C1QTNF6: variants seen among roughly 807,000 people sequenced by gnomAD.
The protein encoded by C1QTNF6 is complement C1q tumor necrosis factor-related protein 6.
In C1QTNF6, 17 loss-of-function variants were observed where a neutral mutation model predicts 20.7. That is an observed-to-expected ratio of 0.82 (90% confidence interval 0.56 to 1.23). The LOEUF (loss-of-function observed/expected upper bound fraction) is 1.23, where lower values mean the gene tolerates loss of function less well. C1QTNF6 is among the 50% of genes most tolerant of loss of function. The pLI is 0.00. For missense variants in C1QTNF6, 329 were observed against 389.7 expected, an observed-to-expected ratio of 0.84 and a Z score of 1.31; for synonymous variants, 130 against 156.3, an observed-to-expected ratio of 0.83 and a Z score of 1.25.
upstream of C1QTNF6, among the ~76,000 whole-genome samples, chr22:37,188,642 A>G (rs1333314407): frequency 6.6e-6 from 1 of 152,246 alleles, no homozygotes; most frequent in East Asian, 1.9e-4. Context: ...CAGGGTGGGT[A>G]GCAGAGAAGG....
chr22:37,185,883 C>T, intron 1 of C1QTNF6: 1 of 987,686 alleles, frequency 1.0e-6, no homozygotes, highest in Non-Finnish European at 1.2e-6. Flanking sequence ...CCCTCTGGCA[C>T]TTTCTTGCCA....
chr22:37,188,293 G>C, upstream of C1QTNF6: 1 of 1,364,620 alleles, frequency 7.3e-7, no homozygotes, highest in Non-Finnish European at 1.0e-6. Context: ...AGGAGGGAGA[G>C]AGGAGGGGAT....
chr22:37,198,957 A>G (rs578111464), upstream of C1QTNF6, among the ~76,000 whole-genome samples: 9 of 152,288 alleles, frequency 5.9e-5, no homozygotes, highest in South Asian at 2.1e-4. Flanking sequence ...TCGGATCCCA[A>G]AGGTGTTCAG....
At position 37,184,408 on chromosome 22, in the gene C1QTNF6, GC is replaced by G; in HGVS notation, c.289+809del. ...CTGGTCACAGCCGTCAGCCACCACAGCCTGGAAGGGAAGCGAGTCCTTCCAC... is the reference window on the plus strand; with the variant it reads ...CTGGTCACAGCCGTCAGCCACCACAGCTGGAAGGGAAGCGAGTCCTTCCAC... On this transcript the variant is annotated intron_variant, in intron 2 of 2. Coordinates refer to ENST00000337843, the MANE Select transcript of C1QTNF6 (RefSeq NM_031910.4). The surrounding 1 kb of genome is among the most constrained non-coding windows in gnomAD (Gnocchi z 4.0). The G allele has an allele frequency of 1.4e-6, 1 of 717,288 alleles. No homozygotes were observed. The highest frequency in any genetic ancestry group is 2.6e-6 in the Non-Finnish European group (1 of 385,022). 44.4% of individuals were successfully genotyped at this position (717,288 alleles called of 1,614,324 possible).
chr22:37,188,062 A>G lies in C1QTNF6; in HGVS notation c.51+101T>C, dbSNP rs1191394929. On this transcript the variant is annotated intron_variant, in intron 1 of 2. Transcript: ENST00000337843. ...TGGAGAGGCTGTCCCAGTCAGAGGGAGAGAGCAGGGCCCGAGATGCTTCCA... is the reference window on the plus strand; with the variant it reads ...TGGAGAGGCTGTCCCAGTCAGAGGGGGAGAGCAGGGCCCGAGATGCTTCCA... 2.4e-6 allele frequency: 3 copies of G among 1,259,042 alleles called. No homozygotes were observed. The East Asian group carries it at 7.7e-5, about 32-fold the overall frequency. The allele number at this position is 1,259,042 out of a possible 1,614,324, so 78.0% of individuals were successfully genotyped here.
In C1QTNF6 at chr22:37,184,662, C is replaced by T. The variant is rs1294238015; in HGVS notation, c.289+556G>A. ...ATTTGAAACCTGGGTGGGATCAAGT[C>T]CCTGTCCCACCCAAACCTGCCCCTG... On this transcript the variant is annotated intron_variant, in intron 2 of 2. Transcript: ENST00000337843. The surrounding 1 kb of genome is among the most constrained non-coding windows in gnomAD (Gnocchi z 4.0). 6.6e-6 allele frequency among the ~76,000 whole-genome samples: 1 copy of T among 152,142 alleles called. No homozygotes were observed. The highest frequency in any genetic ancestry group is 1.5e-5 in the Non-Finnish European group (1 of 68,022).
At chr22:37,198,688 C>T (rs371354298), upstream of C1QTNF6, among the ~76,000 whole-genome samples, 2 of 151,862 alleles carry the variant, frequency 1.3e-5, no homozygotes, top group Non-Finnish European at 2.9e-5. Context: ...CCCCGCTCCC[C>T]GGTCCCCGGC....
chr22:37,185,625 G>A, intron 1 of C1QTNF6, 170 bp from the exon 2 acceptor site: 1 of 1,336,782 alleles, frequency 7.5e-7, no homozygotes, highest in Non-Finnish European at 9.6e-7. Flanking sequence ...CCTCCACAGA[G>A]CAGCAAGTTC....
intron 1 of C1QTNF6, among the ~76,000 whole-genome samples, chr22:37,187,372 T>C (rs559368319): frequency 1.4e-4 from 22 of 152,278 alleles, no homozygotes; most frequent in African/African-American, 4.3e-4. Context: ...GCCACAGATA[T>C]GACCTCATGA....
chr22:37,188,443 G>C (rs1315497212), upstream of C1QTNF6: 2 of 448,690 alleles, frequency 4.5e-6, no homozygotes, highest in African/African-American at 4.1e-5. Flanking sequence ...TTAACTCTTT[G>C]GTGATCCAGT....
At chr22:37,197,836 G>C (rs957940839), upstream of C1QTNF6, 2 of 152,330 alleles carry the variant, frequency 1.3e-5, no homozygotes, top group African/African-American at 2.4e-5. Flanking sequence ...CAGCTGGTCA[G>C]GTGGCCTGAA....
At chr22:37,188,563 C>T (rs928994517), upstream of C1QTNF6, 9 of 213,278 alleles carry the variant, frequency 4.2e-5, no homozygotes, top group African/African-American at 2.1e-4. Context: ...CCCTAGGTTG[C>T]TCAGGAAGGG....
upstream of C1QTNF6, chr22:37,188,255 T>G: frequency 6.8e-7 from 1 of 1,480,120 alleles, no homozygotes; most frequent in Non-Finnish European, 9.1e-7. Context: ...ACTAACTTGT[T>G]GCTGGCCCAG....
intron 1 of C1QTNF6, among the ~76,000 whole-genome samples, chr22:37,186,868 T>G (rs1392334815): frequency 3.9e-5 from 6 of 152,184 alleles, no homozygotes; most frequent in African/African-American, 1.4e-4. Context: ...CAATTATTAC[T>G]TTTTAAAATG....
intron 1 of C1QTNF6, chr22:37,197,062 G>A (rs1925179420): frequency 6.6e-6 from 1 of 152,298 alleles, no homozygotes; most frequent in Non-Finnish European, 1.5e-5. Context: ...TCCAAGCTGG[G>A]ATGACAGCCA....
upstream of C1QTNF6, chr22:37,190,692 A>G (rs1321629387): frequency 1.4e-5 from 2 of 144,138 alleles, no homozygotes; most frequent in Non-Finnish European, 3.1e-5. Context: ...TACAAAAAAA[A>G]AAAAAGAAGA....
chr22:37,185,823 CA>C, intron 1 of C1QTNF6: 1 of 1,000,800 alleles, frequency 1.0e-6, no homozygotes, highest in Non-Finnish European at 1.2e-6. Flanking sequence ...CCCAGCTGGC[CA>C]TGGGTGGCAA....
At chr22:37,193,188 G>C (rs1012948551), upstream of C1QTNF6, among the ~76,000 whole-genome samples, 8 of 152,184 alleles carry the variant, frequency 5.3e-5, no homozygotes, top group African/African-American at 1.4e-4. Flanking sequence ...ACATAGCAAG[G>C]CTAAAAGCTC....
upstream of C1QTNF6, chr22:37,188,324 G>A (rs1924562357): frequency 4.8e-6 from 4 of 840,168 alleles, 1 homozygote; most frequent in Non-Finnish European, 6.8e-6. Flanking sequence ...AGGGCGGAGG[G>A]AGGGCGGAGG....
Sources: allele counts gnomAD v4.1 joint callset (sites outside exome capture counted in the v4.1 genomes callset), GRCh38; gene constraint gnomAD v4.1.1; non-coding constraint Gnocchi (gnomAD v3.1); transcripts MANE v1.5; gene names NCBI Gene and HGNC (gene_info 2026-07-23, HGNC 2026-07-21).